FGF12: variants seen among roughly 807,000 people sequenced by gnomAD.
FGF12 encodes fibroblast growth factor 12B.
FGF12 carries 14 observed loss-of-function variants against 23.6 expected under a neutral mutation model. The ratio of observed to expected loss-of-function variants is 0.59; its 90% CI spans 0.39 to 0.93. FGF12 has a LOEUF of 0.93. FGF12 is among the 40% of genes least tolerant of loss of function. The pLI, the probability that FGF12 is intolerant of heterozygous loss-of-function variation, is 0.00. For synonymous variants in FGF12, 62 were observed against 77.3 expected (o/e 0.80, Z 1.04); for missense variants, 175 against 217.8 (o/e 0.80, Z 1.24).
intron 4 of FGF12, among the ~76,000 whole-genome samples, chr3:192,248,466 T>G (rs1711785144): frequency 6.6e-6 from 1 of 152,224 alleles, no homozygotes; most frequent in Admixed American, 6.5e-5. Context: ...CATGTGGCTT[T>G]AAGCTATCCT....
At chr3:192,326,576 T>C (rs1360233287) in intron 4 of FGF12, among the ~76,000 whole-genome samples, 1 of 152,174 alleles carries the variant, frequency 6.6e-6, no homozygotes. Context: ...GGCAATACTT[T>C]AAGGGAGAAA....
intron 4 of FGF12, chr3:192,268,581 A>G (rs188634647): frequency 1.2e-4 from 32 of 277,112 alleles, no homozygotes; most frequent in African/African-American, 6.5e-4. Context: ...CTGAGTTTGC[A>G]TGAGATCTGG....
At chr3:192,195,494 T>C (rs1401577368) in intron 4 of FGF12, among the ~76,000 whole-genome samples, 3 of 152,210 alleles carry the variant, frequency 2.0e-5, no homozygotes, top group African/African-American at 2.4e-5. Context: ...TTATTTACAA[T>C]TGCCTACATT....
intron 2 of FGF12, among the ~76,000 whole-genome samples, chr3:192,366,812 G>A (rs973696544): frequency 1.3e-5 from 2 of 152,150 alleles, no homozygotes; most frequent in Admixed American, 1.3e-4. Flanking sequence ...GGAGGATTTG[G>A]AGAGCTGTCT....
At chr3:192,414,341 T>C (rs1201759400) in intron 2 of FGF12, among the ~76,000 whole-genome samples, 1 of 152,178 alleles carries the variant, frequency 6.6e-6, no homozygotes, top group Non-Finnish European at 1.5e-5. Context: ...TTAAGTTGTT[T>C]AACCAAGGTC....
chr3:192,581,486 G>GTATA (rs71298511), intron 2 of FGF12, among the ~76,000 whole-genome samples: 3,360 of 144,558 alleles, frequency 0.023, 84 homozygotes, highest in Middle Eastern at 0.076. Context: ...GTGTGTGTGT[G>GTATA]TATATATATA....
intron 4 of FGF12, among the ~76,000 whole-genome samples, chr3:192,231,601 C>T (rs920806693): frequency 2.0e-5 from 3 of 151,990 alleles, no homozygotes; most frequent in Admixed American, 6.6e-5. Flanking sequence ...GAAACCCCAT[C>T]TCTACTAAAA....
chr3:192,563,600 G>C (rs1435468397), intron 2 of FGF12, among the ~76,000 whole-genome samples: 1 of 152,202 alleles, frequency 6.6e-6, no homozygotes, highest in Non-Finnish European at 1.5e-5. Context: ...AAGTTTAAAA[G>C]TATGAACACA....
At chr3:192,416,816 T>A (rs1244702604) in intron 2 of FGF12, among the ~76,000 whole-genome samples, 2 of 152,098 alleles carry the variant, frequency 1.3e-5, no homozygotes, top group African/African-American at 4.8e-5. Context: ...GGCATTGATG[T>A]AGATGTCTGT....
At chr3:192,586,162 G>T (rs1210235263) in intron 2 of FGF12, among the ~76,000 whole-genome samples, 1 of 152,128 alleles carries the variant, frequency 6.6e-6, no homozygotes, top group Non-Finnish European at 1.5e-5. Flanking sequence ...TTTTTCAGGG[G>T]GGTGGGGATA....
intron 2 of FGF12, among the ~76,000 whole-genome samples, chr3:192,505,872 A>G (rs1724276051): frequency 6.6e-6 from 1 of 152,178 alleles, no homozygotes; most frequent in Non-Finnish European, 1.5e-5. Context: ...CGAAGACCAG[A>G]CACACGAACT....
chr3:192,256,601 A>T (rs1027011807), intron 4 of FGF12, among the ~76,000 whole-genome samples: 1 of 152,124 alleles, frequency 6.6e-6, no homozygotes, highest in Non-Finnish European at 1.5e-5. Flanking sequence ...TGGCAAAAAA[A>T]CTTTTTAACA....
intron 2 of FGF12, among the ~76,000 whole-genome samples, chr3:192,615,187 T>C (rs1448169478): frequency 1.3e-5 from 2 of 151,990 alleles, no homozygotes; most frequent in Admixed American, 6.6e-5. Flanking sequence ...AAGAAAATAA[T>C]ATAAACCTTT....
intron 4 of FGF12, among the ~76,000 whole-genome samples, chr3:192,331,928 T>C (rs983754727): frequency 1.3e-5 from 2 of 151,968 alleles, no homozygotes. Context: ...AGAATGAAAG[T>C]GAAAGGAAGA....
chr3:192,607,919 T>C (rs1714405109), intron 2 of FGF12, among the ~76,000 whole-genome samples: 2 of 151,078 alleles, frequency 1.3e-5, no homozygotes, highest in Admixed American at 1.3e-4. Context: ...AGCCAGTCCC[T>C]CTTCTGACTG....
chr3:192,388,241 G>A (rs1378606844), intron 2 of FGF12, among the ~76,000 whole-genome samples: 2 of 152,048 alleles, frequency 1.3e-5, no homozygotes, highest in African/African-American at 4.8e-5. Flanking sequence ...ACCAGCCTGG[G>A]CAACAAAGCA....
rs1185693030 is a variant in FGF12 at position 192,409,978 on chromosome 3, C to T, written c.14-49440G>A. Among the ~76,000 whole-genome samples, 1 of 151,984 alleles carries T rather than the reference C, an allele frequency of 6.6e-6. No homozygotes were observed. Among genetic ancestry groups the T allele is most frequent in the Non-Finnish European group, 1.5e-5 (1 of 67,928 alleles). On this transcript the variant is annotated intron_variant, in intron 2 of 5. Transcript: ENST00000445105. The surrounding 1 kb of genome is among the most constrained non-coding windows in gnomAD (Gnocchi z 4.8). Reference sequence around the variant, plus strand: ...GGAGTCCCATTCATGGGCTGAGGCTCTGGGCGCGCGGAGCCGCCGCCGCCC... The same window carrying T: ...GGAGTCCCATTCATGGGCTGAGGCTTTGGGCGCGCGGAGCCGCCGCCGCCC...
At chr3:192,444,534 A>C (rs1454830054) in intron 2 of FGF12, among the ~76,000 whole-genome samples, 1 of 152,208 alleles carries the variant, frequency 6.6e-6, no homozygotes, top group African/African-American at 2.4e-5. Flanking sequence ...GACTGGAACC[A>C]GTGGGGAAAA....
chr3:192,695,430 T>G (rs116510574), intron 2 of FGF12, among the ~76,000 whole-genome samples: 2 of 152,178 alleles, frequency 1.3e-5, no homozygotes, highest in East Asian at 1.9e-4. Context: ...TCATTTTGCA[T>G]GTACATATAC....
Sources: allele counts gnomAD v4.1 joint callset (sites outside exome capture counted in the v4.1 genomes callset), GRCh38; gene constraint gnomAD v4.1.1; non-coding constraint Gnocchi (gnomAD v3.1); transcripts MANE v1.5; gene names NCBI Gene and HGNC (gene_info 2026-07-23, HGNC 2026-07-21).